Variants in DAAM1 observed in about 807,000 individuals in gnomAD.
DAAM1 encodes the protein disheveled-associated activator of morphogenesis 1.
In DAAM1, 52 loss-of-function variants were observed where a neutral mutation model predicts 130.0. The observed-to-expected ratio is 0.40, with a 90% confidence interval of 0.32 to 0.50. The LOEUF (loss-of-function observed/expected upper bound fraction) is 0.50, where lower values mean the gene tolerates loss of function less well. DAAM1 is among the 20% of genes least tolerant of loss of function. DAAM1 has a pLI of 0.61. For synonymous variants in DAAM1, 452 were observed against 444.5 expected (o/e 1.02, Z -0.21); for missense variants, 1,134 against 1,303.8 (o/e 0.87, Z 2.01).
intron 1 of DAAM1, among the ~76,000 whole-genome samples, chr14:59,208,422 C>T (rs568235481): frequency 1.3e-5 from 2 of 152,294 alleles, no homozygotes; most frequent in East Asian, 3.9e-4. Context: ...TCGCTTTCAG[C>T]CAATCATCTG....
At chr14:59,225,019 G>GGTTTTTTTTTTTTTTTTTTTTTT (rs1566656869) in intron 1 of DAAM1, among the ~76,000 whole-genome samples, 1 of 90,784 alleles carries the variant, frequency 1.1e-5, no homozygotes. Context: ...ATCTGTGTGG[G>GGTTTTTTTTTTTTTTTTTTTTTT]TTTTTTTTTT....
intron 1 of DAAM1, among the ~76,000 whole-genome samples, chr14:59,244,658 TA>T (rs1216413258): frequency 1.3e-5 from 2 of 152,214 alleles, no homozygotes; most frequent in African/African-American, 4.8e-5. Flanking sequence ...GAGAGATTCT[TA>T]ACTGCCTGTC....
At chr14:59,230,062 A>G (rs1408902399) in intron 1 of DAAM1, among the ~76,000 whole-genome samples, 2 of 152,160 alleles carry the variant, frequency 1.3e-5, no homozygotes, top group East Asian at 3.9e-4. Context: ...TACCCTTGCA[A>G]ATTGAATTTC....
intron 17 of DAAM1, among the ~76,000 whole-genome samples, chr14:59,348,495 C>T (rs766057313): frequency 5.9e-5 from 9 of 152,248 alleles, no homozygotes; most frequent in Non-Finnish European, 1.0e-4. Context: ...GCTATAAGAT[C>T]GTTCCATCCT....
chr14:59,369,010 T>G lies in DAAM1; in HGVS notation c.*151T>G. 1 of 649,442 alleles carries G rather than the reference T, an allele frequency of 1.5e-6. No homozygotes were observed. The highest frequency in any genetic ancestry group is 2.6e-6 in the Non-Finnish European group (1 of 384,450). 40.2% of individuals were successfully genotyped at this position (649,442 alleles called of 1,614,324 possible). A position where few individuals can be genotyped will look rare whatever the true frequency, so the allele number is the denominator to read the frequency against. Reference sequence around the variant, plus strand: ...GAACGTGTGTATGTAAATGTATGTGTGTATATATTAAAAAATGTATATAGA... The same window carrying G: ...GAACGTGTGTATGTAAATGTATGTGGGTATATATTAAAAAATGTATATAGA... On this transcript the variant is annotated 3_prime_UTR_variant, in exon 25 of 25. Transcript: ENST00000360909.
At chr14:59,264,239 A>G (rs1882325125) in intron 2 of DAAM1, 1 of 162,068 alleles carries the variant, frequency 6.2e-6, no homozygotes, top group South Asian at 1.7e-4. Flanking sequence ...AATCAAATAT[A>G]CTGAAATGAA....
At chr14:59,350,479 ACG>A (rs907186233) in intron 17 of DAAM1, among the ~76,000 whole-genome samples, 23 of 134,012 alleles carry the variant, frequency 1.7e-4, no homozygotes, top group Non-Finnish European at 3.1e-4. Flanking sequence ...ACACACACAC[ACG>A]TCTTATGCAC....
chr14:59,198,967 T>G (rs1172490784), intron 1 of DAAM1, among the ~76,000 whole-genome samples: 1 of 152,258 alleles, frequency 6.6e-6, no homozygotes, highest in African/African-American at 2.4e-5. Flanking sequence ...CAGTATCCTC[T>G]TAAAATAATG....
At chr14:59,193,521 G>A (rs1197365122) in intron 1 of DAAM1, among the ~76,000 whole-genome samples, 3 of 152,094 alleles carry the variant, frequency 2.0e-5, no homozygotes, top group African/African-American at 7.2e-5. Context: ...GAGCATTTCA[G>A]GGAGAGTTTG....
intron 2 of DAAM1, among the ~76,000 whole-genome samples, chr14:59,267,158 T>G (rs1328430923): frequency 6.6e-6 from 1 of 152,234 alleles, no homozygotes; most frequent in African/African-American, 2.4e-5. Flanking sequence ...GGGTCCTAAC[T>G]TGCAGACCAT....
intron 3 of DAAM1, among the ~76,000 whole-genome samples, chr14:59,306,695 T>C (rs2139592327): frequency 6.6e-6 from 1 of 152,266 alleles, no homozygotes; most frequent in Non-Finnish European, 1.5e-5. Flanking sequence ...AGCTTTTTTT[T>C]TTTTAATCAA....
chr14:59,327,050 C>A, intron 12 of DAAM1, 59 bp downstream of exon 12: 1 of 1,586,754 alleles, frequency 6.3e-7, no homozygotes, highest in Non-Finnish European at 8.6e-7. Context: ...ACCTTGATTT[C>A]CATATATTTT....
chr14:59,327,407 T>C (rs1170018381), intron 12 of DAAM1, among the ~76,000 whole-genome samples: 1 of 122,566 alleles, frequency 8.2e-6, no homozygotes, highest in Non-Finnish European at 1.7e-5. Context: ...GGTTTCTTTT[T>C]TTTTTTTTTT....
intron 1 of DAAM1, among the ~76,000 whole-genome samples, chr14:59,246,748 A>G (rs76498684): frequency 1.8e-3 from 279 of 152,204 alleles, no homozygotes; most frequent in African/African-American, 6.4e-3. Context: ...TAGTCATCTT[A>G]ATGGATGTGA....
At chr14:59,352,449 T>G in intron 17 of DAAM1, 77 bp from the exon 18 acceptor site, 1 of 1,108,744 alleles carries the variant, frequency 9.0e-7, no homozygotes, top group Non-Finnish European at 1.3e-6. Context: ...TTGGGACAGA[T>G]TAACTGAAAG....
intron 20 of DAAM1, 106 bp from the exon 21 acceptor site, chr14:59,359,291 C>T: frequency 1.2e-6 from 1 of 862,226 alleles, no homozygotes; most frequent in Non-Finnish European, 1.8e-6. Flanking sequence ...GTGGGTTCTA[C>T]CATTTGAGCA....
At chr14:59,241,210 C>T (rs547366629) in intron 1 of DAAM1, among the ~76,000 whole-genome samples, 1 of 152,266 alleles carries the variant, frequency 6.6e-6, no homozygotes, top group African/African-American at 2.4e-5. Flanking sequence ...TATTGTTATA[C>T]AATATGTTCT....
At chr14:59,271,237 G>A (rs963459127) in intron 2 of DAAM1, among the ~76,000 whole-genome samples, 4 of 152,040 alleles carry the variant, frequency 2.6e-5, no homozygotes, top group Non-Finnish European at 5.9e-5. Flanking sequence ...ATATTTTAAA[G>A]AAACTTGTTG....
chr14:59,286,698 C>A (rs1883473206), intron 2 of DAAM1, among the ~76,000 whole-genome samples: 1 of 152,000 alleles, frequency 6.6e-6, no homozygotes, highest in African/African-American at 2.4e-5. Context: ...GGATACATTC[C>A]CAGAAACACA....
Sources: gnomAD v4.1 joint callset for allele counts (sites outside exome capture counted in the v4.1 genomes callset) on GRCh38, gnomAD v4.1.1 for gene constraint, MANE v1.5 for transcripts, NCBI Gene and HGNC (gene_info 2026-07-23, HGNC 2026-07-21) for gene names.